The following SGPP2 variants were observed in gnomAD, a reference collection of about 807,000 sequenced individuals.
SGPP2 encodes sphingosine-1-phosphate phosphatase 2.
Under a neutral mutation model 33.9 loss-of-function variants are expected in SGPP2, and 30 were observed. That is an observed-to-expected ratio of 0.89 (90% confidence interval 0.66 to 1.20). The LOEUF is 1.20. Ranked by LOEUF, SGPP2 falls within the 50% of genes most tolerant of loss-of-function variation. The pLI, the probability that SGPP2 is intolerant of heterozygous loss-of-function variation, is 0.00. For synonymous variants in SGPP2, 233 were observed against 225.0 expected (o/e 1.04, Z -0.32); for missense variants, 458 against 532.1 (o/e 0.86, Z 1.37).
chr2:222,456,945 A>G (rs1697582524), intron 1 of SGPP2, among the ~76,000 whole-genome samples: 1 of 152,210 alleles, frequency 6.6e-6, no homozygotes, highest in African/African-American at 2.4e-5. Flanking sequence ...AAGAAGCTTC[A>G]AAGCGCCATG....
Position 222,477,504 on chromosome 2 carries a change from T to C in SGPP2, c.378+2778T>C, listed in dbSNP as rs1046248362. ...GTATATAGGTGTGTATATATGTTTA[T>C]GTGTATATATATGTCTGTGTATATA... is the stretch of plus-strand genomic sequence containing the variant. On this transcript the variant is annotated intron_variant, in intron 2 of 4. Transcript: ENST00000321276. The surrounding 1 kb of genome is among the most constrained non-coding windows in gnomAD (Gnocchi z 6.0). 2.0e-5 allele frequency among the ~76,000 whole-genome samples: 3 copies of C among 151,940 alleles called. No individual in the cohort carries two copies. Among genetic ancestry groups the C allele is most frequent in the African/African-American group, 7.3e-5 (3 of 41,308 alleles).
chr2:222,517,926 T>C (rs555986264), intron 2 of SGPP2, among the ~76,000 whole-genome samples: 7 of 152,250 alleles, frequency 4.6e-5, no homozygotes, highest in Non-Finnish European at 8.8e-5. Flanking sequence ...TTTCTGTATA[T>C]GTACACATAC....
At chr2:222,513,242 A>G (rs971579447) in intron 2 of SGPP2, among the ~76,000 whole-genome samples, 1 of 152,200 alleles carries the variant, frequency 6.6e-6, no homozygotes, top group Non-Finnish European at 1.5e-5. Flanking sequence ...TTGAACATTT[A>G]TAGTAATGTT....
At chr2:222,471,873 G>A (rs1010407202) in intron 1 of SGPP2, among the ~76,000 whole-genome samples, 15 of 152,108 alleles carry the variant, frequency 9.9e-5, no homozygotes, top group African/African-American at 3.6e-4. Context: ...TTAGTTTCAT[G>A]TAACAGGGTG....
At chr2:222,501,543 G>A (rs1698365665) in intron 2 of SGPP2, among the ~76,000 whole-genome samples, 1 of 152,152 alleles carries the variant, frequency 6.6e-6, no homozygotes, top group Non-Finnish European at 1.5e-5. Flanking sequence ...AAAATTAGGT[G>A]TTCGATGTTA....
intron 4 of SGPP2, among the ~76,000 whole-genome samples, chr2:222,552,907 T>TC (rs1247884560): frequency 6.6e-6 from 1 of 151,922 alleles, no homozygotes; most frequent in Non-Finnish European, 1.5e-5. Context: ...CACCACCTGT[T>TC]CCCCAATAAC....
chr2:222,508,216 A>T (rs377273927), intron 2 of SGPP2, among the ~76,000 whole-genome samples: 1 of 152,196 alleles, frequency 6.6e-6, no homozygotes, highest in Non-Finnish European at 1.5e-5. Context: ...AAGAATTAAG[A>T]TAATAGAGTT....
At chr2:222,539,019 T>G (rs533138137) in intron 4 of SGPP2, among the ~76,000 whole-genome samples, 1 of 152,168 alleles carries the variant, frequency 6.6e-6, no homozygotes, top group Non-Finnish European at 1.5e-5. Flanking sequence ...TTTCAAAATA[T>G]AATCATGACT....
intron 2 of SGPP2, among the ~76,000 whole-genome samples, chr2:222,520,780 G>A (rs1273727843): frequency 1.3e-5 from 2 of 150,552 alleles, no homozygotes; most frequent in African/African-American, 2.4e-5. Flanking sequence ...TTGAGACAGG[G>A]TCTTGCTCTG....
rs183770597 is a variant in SGPP2, at chr2:222,558,607, C to A, written c.909C>A (p.Pro303=). The change falls in exon 5 of 5, where the codon CCC becomes CCA. Residue 303 remains proline, a synonymous_variant. Transcript: ENST00000321276. ...INHFFQLVSK[P]AESLPVIQNI... ...ATTTCTTCCAGCTTGTATCCAAGCC[C>A]GCTGAATCTCTCCCTGTTATTCAGA... is the stretch of plus-strand genomic sequence containing the variant. 2 of 1,614,182 alleles carry A rather than the reference C, an allele frequency of 1.2e-6. No individual in the cohort carries two copies. Among genetic ancestry groups the A allele is most frequent in the African/African-American group, 2.7e-5 (2 of 75,042 alleles).
intron 1 of SGPP2, among the ~76,000 whole-genome samples, chr2:222,435,244 G>A (rs960497037): frequency 6.6e-6 from 1 of 152,070 alleles, no homozygotes; most frequent in African/African-American, 2.4e-5. Context: ...CATGGGAGAA[G>A]ATGTAGGCTG....
chr2:222,487,709 G>A (rs1182458520), intron 2 of SGPP2, among the ~76,000 whole-genome samples: 1 of 152,122 alleles, frequency 6.6e-6, no homozygotes, highest in Non-Finnish European at 1.5e-5. Flanking sequence ...GCAGTGCGCT[G>A]GCAACATATC....
intron 2 of SGPP2, among the ~76,000 whole-genome samples, chr2:222,483,911 AATGGCCAGATTGTC>A (rs1698066372): frequency 6.6e-6 from 1 of 152,228 alleles, no homozygotes; most frequent in South Asian, 2.1e-4. Context: ...AGTATTCAAC[AATGGCCAGATTGTC>A]ACCCTCACTA....
intron 4 of SGPP2, among the ~76,000 whole-genome samples, chr2:222,547,437 T>G (rs947784949): frequency 2.2e-4 from 33 of 152,168 alleles, no homozygotes; most frequent in African/African-American, 8.0e-4. Flanking sequence ...GTGGGGAAAT[T>G]TTGTCTGTTT....
intron 2 of SGPP2, among the ~76,000 whole-genome samples, chr2:222,509,986 T>C (rs1421808213): frequency 6.6e-6 from 1 of 152,258 alleles, no homozygotes; most frequent in Non-Finnish European, 1.5e-5. Context: ...AATCATACAA[T>C]GTGTGTCCTT....
Position 222,440,330 on chromosome 2 carries a change from G to T in SGPP2, c.219+15509G>T, listed in dbSNP as rs187519249. ...GACTTGTTTTATAGCCTCATGTTTT[G>T]TGTGTTTTTGTTTTTGTTTTTGTTT... On this transcript the variant is annotated intron_variant, in intron 1 of 4. Coordinates refer to ENST00000321276, the MANE Select transcript of SGPP2 (RefSeq NM_152386.4). Among the ~76,000 whole-genome samples the T allele has an allele frequency of 1.7e-3, 226 of 133,990 alleles. 2 individuals are homozygous for T. The highest frequency in any genetic ancestry group is 1.7e-3 in the East Asian group (8 of 4,608). The allele number at this position is 133,990 out of a possible 152,430, so 87.9% of individuals were successfully genotyped here.
rs374761325 is a variant in SGPP2, at chr2:222,443,307, T to C, written c.219+18486T>C. On this transcript the variant is annotated intron_variant, in intron 1 of 4. Transcript: ENST00000321276. ...TGCGTGATGCTGAGGTCTGGGTGTCTAACGATCCCATCGCCCAAGGTAGTG... is the reference window on the plus strand; with the variant it reads ...TGCGTGATGCTGAGGTCTGGGTGTCCAACGATCCCATCGCCCAAGGTAGTG... Among the ~76,000 whole-genome samples the C allele has an allele frequency of 1.7e-3, 256 of 152,332 alleles. 2 individuals carry two copies. In the Middle Eastern group the frequency reaches 0.017, roughly 10 times the overall value.
intron 2 of SGPP2, among the ~76,000 whole-genome samples, chr2:222,478,300 C>T (rs540482326): frequency 1.2e-4 from 16 of 136,060 alleles, no homozygotes; most frequent in African/African-American, 4.4e-4. Context: ...TGTGTGTATA[C>T]GTACGCGTGT....
chr2:222,516,490 A>G (rs1300896725), intron 2 of SGPP2, among the ~76,000 whole-genome samples: 6 of 152,250 alleles, frequency 3.9e-5, no homozygotes, highest in Non-Finnish European at 5.9e-5. Context: ...GAACATTCAT[A>G]TATGAGTATT....
Sources: allele counts gnomAD v4.1 joint callset (sites outside exome capture counted in the v4.1 genomes callset), GRCh38; gene constraint gnomAD v4.1.1; non-coding constraint Gnocchi (gnomAD v3.1); transcripts MANE v1.5; gene names NCBI Gene and HGNC (gene_info 2026-07-23, HGNC 2026-07-21).